CHN1: variants seen among roughly 807,000 people sequenced by gnomAD.
The protein encoded by CHN1 is chimerin 1, also known as N-chimaerin.
Under a neutral mutation model 59.5 loss-of-function variants are expected in CHN1, and 37 were observed. The observed-to-expected ratio is 0.62, with a 90% CI of 0.48 to 0.82. The LOEUF (loss-of-function observed/expected upper bound fraction) is 0.82. Ranked by LOEUF, CHN1 falls within the 40% of genes least tolerant of loss-of-function variation. CHN1 has a pLI of 0.00. For synonymous variants in CHN1, 206 were observed against 200.4 expected (o/e 1.03, Z -0.24); for missense variants, 469 against 571.0 (o/e 0.82, Z 1.82).
chr2:174,818,424 T>G (rs1341568313), intron 8 of CHN1, among the ~76,000 whole-genome samples: 2 of 152,204 alleles, frequency 1.3e-5, no homozygotes, highest in Non-Finnish European at 2.9e-5. Context: ...CCTCAGGGAC[T>G]AACGGTATAT....
intron 1 of CHN1, among the ~76,000 whole-genome samples, chr2:174,992,229 T>C (rs147297476): frequency 8.5e-5 from 13 of 152,194 alleles, no homozygotes; most frequent in Non-Finnish European, 1.6e-4. Flanking sequence ...ACAAAGAATG[T>C]GGGGCTGGAA....
At chr2:174,993,964 GT>G (rs1269407074) in intron 1 of CHN1, among the ~76,000 whole-genome samples, 5 of 152,118 alleles carry the variant, frequency 3.3e-5, no homozygotes, top group Non-Finnish European at 5.9e-5. Flanking sequence ...GAAAGATTAT[GT>G]TGTTTTTATT....
At chr2:174,866,167 G>C (rs1687210420) in intron 6 of CHN1, among the ~76,000 whole-genome samples, 1 of 152,146 alleles carries the variant, frequency 6.6e-6, no homozygotes, top group Non-Finnish European at 1.5e-5. Flanking sequence ...ATCTCAAAAA[G>C]TTAAGAAATT....
chr2:174,924,613 G>A (rs184079606), intron 3 of CHN1, among the ~76,000 whole-genome samples: 27 of 152,278 alleles, frequency 1.8e-4, no homozygotes, highest in African/African-American at 6.5e-4. Flanking sequence ...ATGTTTTGCT[G>A]AGATCTAAGG....
intron 5 of CHN1, among the ~76,000 whole-genome samples, chr2:174,898,744 A>G (rs1018167450): frequency 6.6e-6 from 1 of 152,188 alleles, no homozygotes; most frequent in African/African-American, 2.4e-5. Context: ...TCTGGGCACA[A>G]TACTATAAAT....
chr2:174,916,868 G>C (rs1404021959), intron 4 of CHN1, among the ~76,000 whole-genome samples: 1 of 152,156 alleles, frequency 6.6e-6, no homozygotes, highest in Non-Finnish European at 1.5e-5. Context: ...TAATACAGTT[G>C]GTAAAATATA....
rs143486014 is a variant in CHN1, at chr2:174,915,780, A to T, written c.147-609T>A. Among the ~76,000 whole-genome samples the T allele has an allele frequency of 3.2e-3, 493 of 152,288 alleles. 11 individuals are homozygous for T. The highest frequency in any genetic ancestry group is 1.7e-3 in the East Asian group (9 of 5,186). ...TAGAGAAAAAATAAACACAAATAAC[A>T]TGCTCTTTACACAAACACAGATGAA... On this transcript the variant is annotated intron_variant, in intron 4 of 12. Coordinates refer to ENST00000409900, the MANE Select transcript of CHN1 (RefSeq NM_001822.7).
At chr2:174,905,150 C>T (rs1310219117) in intron 5 of CHN1, among the ~76,000 whole-genome samples, 1 of 152,186 alleles carries the variant, frequency 6.6e-6, no homozygotes, top group East Asian at 1.9e-4. Context: ...AAATCATTCA[C>T]AGAAAAGGAA....
chr2:174,813,724 A>T (rs1182531284), intron 8 of CHN1, among the ~76,000 whole-genome samples: 1 of 152,202 alleles, frequency 6.6e-6, no homozygotes, highest in Non-Finnish European at 1.5e-5. Flanking sequence ...CTTTATGTTG[A>T]CCTCTTGTAA....
intron 7 of CHN1, among the ~76,000 whole-genome samples, chr2:174,839,982 A>T (rs2105424689): frequency 6.6e-6 from 1 of 151,988 alleles, no homozygotes; most frequent in East Asian, 1.9e-4. Flanking sequence ...TCCAAAGTTT[A>T]AACTACCCTC....
intron 4 of CHN1, among the ~76,000 whole-genome samples, chr2:174,918,200 A>G (rs1002819807): frequency 1.3e-5 from 2 of 152,164 alleles, no homozygotes; most frequent in African/African-American, 4.8e-5. Flanking sequence ...CTGTACATAC[A>G]TGTGTGTGTA....
intron 7 of CHN1, 46 bp from the exon 8 acceptor site, chr2:174,824,564 G>C (rs376801503): frequency 8.2e-7 from 1 of 1,225,374 alleles, no homozygotes; most frequent in Non-Finnish European, 1.2e-6. Flanking sequence ...GGAAACACAC[G>C]GATGAGAAGA....
intron 3 of CHN1, among the ~76,000 whole-genome samples, chr2:174,922,561 C>T (rs1365502673): frequency 6.6e-6 from 1 of 152,014 alleles, no homozygotes; most frequent in African/African-American, 2.4e-5. Flanking sequence ...GGTGGTGGCA[C>T]ATGCCTGTAG....
chr2:174,890,538 A>T (rs1688014841), intron 5 of CHN1, among the ~76,000 whole-genome samples: 1 of 152,166 alleles, frequency 6.6e-6, no homozygotes, highest in South Asian at 2.1e-4. Flanking sequence ...AAAGAAGAAG[A>T]AGAAGAAAAA....
At chr2:174,932,590 T>A (rs1424538044) in intron 3 of CHN1, among the ~76,000 whole-genome samples, 2 of 152,168 alleles carry the variant, frequency 1.3e-5, no homozygotes, top group African/African-American at 4.8e-5. Flanking sequence ...ATGGTTTAGA[T>A]CTGTGTCTCC....
rs1684666276 is a variant in CHN1 at position 174,799,982 on chromosome 2, A to G, written c.*134T>C. 2 of 845,494 alleles carry G rather than the reference A, an allele frequency of 2.4e-6. No homozygotes were observed. Among genetic ancestry groups the G allele is most frequent in the Admixed American group, 2.0e-5 (1 of 50,054 alleles). The allele number at this position is 845,494 out of a possible 1,614,324, so 52.4% of individuals were successfully genotyped here. On this transcript the variant is annotated 3_prime_UTR_variant, in exon 13 of 13. Transcript: ENST00000409900. The stretch of plus-strand genomic sequence containing the variant: ...CTGAGCGGTGCTACAAAAACAACAG[A>G]AAGTTCCTTCACTTTAATCTGGTTA...
At chr2:174,894,447 C>T (rs997330577) in intron 5 of CHN1, among the ~76,000 whole-genome samples, 27 of 151,948 alleles carry the variant, frequency 1.8e-4, no homozygotes, top group African/African-American at 6.5e-4. Context: ...ATTAAAATGA[C>T]CACTACCAAA....
chr2:174,852,335 C>T (rs1686760271), intron 6 of CHN1, among the ~76,000 whole-genome samples: 1 of 151,754 alleles, frequency 6.6e-6, no homozygotes, highest in African/African-American at 2.4e-5. Flanking sequence ...TTAAAGTAGC[C>T]ACAAAGAAAA....
chr2:174,858,979 T>TACACCCACAC (rs1686987185), intron 6 of CHN1, among the ~76,000 whole-genome samples: 1 of 142,404 alleles, frequency 7.0e-6, no homozygotes, highest in African/African-American at 2.6e-5. Context: ...TTTCCTCCTC[T>TACACCCACAC]ACACACACAC....
Sources: allele counts gnomAD v4.1 joint callset (sites outside exome capture counted in the v4.1 genomes callset), GRCh38; gene constraint gnomAD v4.1.1; transcripts MANE v1.5; gene names NCBI Gene and HGNC (gene_info 2026-07-23, HGNC 2026-07-21).